LRP1B: variants seen among roughly 807,000 people sequenced by gnomAD.
The protein encoded by LRP1B is low-density lipoprotein receptor-related protein 1B.
LRP1B carries 217 observed loss-of-function variants against 556.6 expected under a neutral mutation model. That is an observed-to-expected ratio of 0.39 (90% CI 0.35 to 0.44). The LOEUF (loss-of-function observed/expected upper bound fraction) is 0.44. LRP1B is among the 20% of genes least tolerant of loss of function. The pLI, the probability that LRP1B is intolerant of heterozygous loss-of-function variation, is 1.00. For missense variants in LRP1B, 5,053 were observed against 5,620.8 expected (o/e 0.90, Z 3.23); for synonymous variants, 2,047 against 1,865.8 (o/e 1.10, Z -2.50).
At chr2:141,577,769 T>G (rs530558260) in intron 2 of LRP1B, among the ~76,000 whole-genome samples, 38 of 152,318 alleles carry the variant, frequency 2.5e-4, no homozygotes, top group Non-Finnish European at 4.3e-4. Flanking sequence ...CTTCAATAAA[T>G]TCAGTGCTTC....
chr2:140,881,757 C>T (rs1693482946), intron 25 of LRP1B, among the ~76,000 whole-genome samples: 2 of 152,120 alleles, frequency 1.3e-5, no homozygotes, highest in Admixed American at 1.3e-4. Flanking sequence ...TTTGACTTTC[C>T]CCTACTTTCA....
intron 41 of LRP1B, among the ~76,000 whole-genome samples, chr2:140,673,359 T>C (rs1685555482): frequency 6.6e-6 from 1 of 152,200 alleles, no homozygotes; most frequent in South Asian, 2.1e-4. Context: ...TTAATGTGCT[T>C]AATCTCTTTT....
chr2:141,929,549 G>C (rs1700428895), intron 1 of LRP1B, among the ~76,000 whole-genome samples: 1 of 151,786 alleles, frequency 6.6e-6, no homozygotes. Context: ...CATGTGATTT[G>C]TCTGTTTACT....
chr2:141,586,821 A>G (rs1357738386), intron 2 of LRP1B, among the ~76,000 whole-genome samples: 1 of 151,912 alleles, frequency 6.6e-6, no homozygotes, highest in Non-Finnish European at 1.5e-5. Context: ...GGGCGCCTGT[A>G]GTCCCAGCTA....
chr2:141,548,528 C>T (rs1351780751), intron 2 of LRP1B, among the ~76,000 whole-genome samples: 1 of 152,100 alleles, frequency 6.6e-6, no homozygotes, highest in African/African-American at 2.4e-5. Context: ...AGGTTTTTTG[C>T]CCTTTGTTCA....
intron 7 of LRP1B, among the ~76,000 whole-genome samples, chr2:141,070,532 C>T (rs1699609427): frequency 6.6e-6 from 1 of 151,976 alleles, no homozygotes; most frequent in Non-Finnish European, 1.5e-5. Context: ...AATAGAGACA[C>T]AAACAACCCT....
At chr2:142,050,177 C>A (rs888281823) in intron 1 of LRP1B, among the ~76,000 whole-genome samples, 5 of 152,070 alleles carry the variant, frequency 3.3e-5, no homozygotes, top group African/African-American at 1.2e-4. Flanking sequence ...GGTATACACA[C>A]ACAGAGAGAA....
At chr2:141,589,866 G>T (rs1687274673) in intron 2 of LRP1B, among the ~76,000 whole-genome samples, 2 of 152,082 alleles carry the variant, frequency 1.3e-5, no homozygotes, top group Admixed American at 1.3e-4. Flanking sequence ...AAGAGTTAGG[G>T]TGCACATCTG....
intron 3 of LRP1B, among the ~76,000 whole-genome samples, chr2:141,344,266 AG>A (rs1688169548): frequency 6.6e-6 from 1 of 152,140 alleles, no homozygotes; most frequent in Non-Finnish European, 1.5e-5. Flanking sequence ...CATCTCACTT[AG>A]TAACAGCTAA....
Position 142,130,683 on chromosome 2 carries a change from G to A in LRP1B, c.47C>T (p.Pro16Leu), listed in dbSNP as rs1559087642. 1.2e-6 allele frequency: 2 copies of A among 1,613,506 alleles called. No individual in the cohort carries two copies. The highest frequency in any genetic ancestry group is 3.3e-5 in the Admixed American group (2 of 59,982). The change falls in exon 1 of 91, where the codon CCG becomes CTG. Residue 16 changes from proline to leucine, a missense_variant. Around this residue, in one of 5 missense-constraint regions of LRP1B, gnomAD observed 3,619 missense variants for 3,931.9 expected, o/e 0.92. Transcript: ENST00000389484. ...TCCCACGGTCAGCACCCTGGCAATCGGCAATAATCCCGAGAGAGTGAGTAA... is the reference window on the plus strand; with the variant it reads ...TCCCACGGTCAGCACCCTGGCAATCAGCAATAATCCCGAGAGAGTGAGTAA... ...LALLTLSGLLPIARVLTVGAD... is the reference protein window; with the variant it reads ...LALLTLSGLLLIARVLTVGAD...
chr2:142,006,770 C>A (rs1357024643), intron 1 of LRP1B, among the ~76,000 whole-genome samples: 2 of 152,032 alleles, frequency 1.3e-5, no homozygotes, highest in African/African-American at 2.4e-5. Context: ...TTGTTATATA[C>A]TGGTTTGCTT....
At chr2:141,675,852 C>T (rs988720879) in intron 2 of LRP1B, among the ~76,000 whole-genome samples, 27 of 151,782 alleles carry the variant, frequency 1.8e-4, no homozygotes, top group Admixed American at 1.6e-3. Flanking sequence ...CTGTTTCCAA[C>T]GTTTGTAATT....
At chr2:140,668,916 G>T (rs1226701849) in intron 41 of LRP1B, among the ~76,000 whole-genome samples, 1 of 152,164 alleles carries the variant, frequency 6.6e-6, no homozygotes, top group African/African-American at 2.4e-5. Flanking sequence ...TATATTAAAG[G>T]TATTTATGTA....
intron 18 of LRP1B, among the ~76,000 whole-genome samples, chr2:140,980,700 A>G (rs541528378): frequency 2.0e-5 from 3 of 152,318 alleles, no homozygotes; most frequent in East Asian, 3.9e-4. Context: ...TCAAAGAACT[A>G]AAAGTAGAAC....
At chr2:140,342,960 A>G (rs1442327118) in intron 77 of LRP1B, among the ~76,000 whole-genome samples, 1 of 151,594 alleles carries the variant, frequency 6.6e-6, no homozygotes, top group Non-Finnish European at 1.5e-5. Context: ...TAAATCTTCT[A>G]TATAGCAAAA....
chr2:141,745,090 C>T (rs1693863495), intron 2 of LRP1B, among the ~76,000 whole-genome samples: 1 of 152,082 alleles, frequency 6.6e-6, no homozygotes, highest in Non-Finnish European at 1.5e-5. Context: ...GATGGGATGA[C>T]ATAAACACCC....
intron 6 of LRP1B, among the ~76,000 whole-genome samples, chr2:141,195,379 C>G (rs1681708714): frequency 1.3e-5 from 2 of 152,104 alleles, no homozygotes; most frequent in African/African-American, 2.4e-5. Context: ...ATGAGAGTCT[C>G]TATAACAGAA....
At chr2:141,383,887 C>G (rs1393144328) in intron 3 of LRP1B, among the ~76,000 whole-genome samples, 1 of 151,988 alleles carries the variant, frequency 6.6e-6, no homozygotes, top group Non-Finnish European at 1.5e-5. Context: ...TCAAATGGTA[C>G]AAAAGTTTCA....
At chr2:141,457,208 G>A (rs1573965824) in intron 3 of LRP1B, among the ~76,000 whole-genome samples, 1 of 152,140 alleles carries the variant, frequency 6.6e-6, no homozygotes, top group Non-Finnish European at 1.5e-5. Flanking sequence ...GAAGGGAAAG[G>A]AAATATTCTT....
Sources: allele counts gnomAD v4.1 joint callset (sites outside exome capture counted in the v4.1 genomes callset), GRCh38; gene constraint gnomAD v4.1.1; regional missense constraint gnomAD v4.1.1; transcripts MANE v1.5; gene names NCBI Gene and HGNC (gene_info 2026-07-23, HGNC 2026-07-21).